STN1: variants seen among roughly 807,000 people sequenced by gnomAD.
STN1 encodes CST complex subunit STN1.
Under a neutral mutation model 45.5 loss-of-function variants are expected in STN1, and 29 were observed. The ratio of observed to expected loss-of-function variants is 0.64; its 90% confidence interval spans 0.47 to 0.87. The LOEUF is 0.87. STN1 is among the 40% of genes least tolerant of loss of function. STN1 has a pLI of 0.00. For missense variants in STN1, 376 were observed against 441.4 expected, an observed-to-expected ratio of 0.85 and a Z score of 1.33; for synonymous variants, 148 against 159.0, an observed-to-expected ratio of 0.93 and a Z score of 0.52.
rs183171640 is a variant in STN1 at position 103,882,169 on chromosome 10, A to C, written c.*515T>G. Among the ~76,000 whole-genome samples, 1 of 120,474 alleles carries C rather than the reference A, an allele frequency of 8.3e-6. No homozygotes were observed. The highest frequency in any genetic ancestry group is 2.7e-5 in the African/African-American group (1 of 37,136). 79.0% of individuals were successfully genotyped at this position (120,474 alleles called of 152,430 possible). A position where few individuals can be genotyped will look rare whatever the true frequency, so the allele number is the denominator to read the frequency against. On this transcript the variant is annotated 3_prime_UTR_variant, in exon 10 of 10. Coordinates refer to ENST00000224950, the MANE Select transcript of STN1 (RefSeq NM_024928.5). ...CCACTGCTGGTAACTGAGCCACAGA[A>C]ACTGTAAGCACTCATCCAGGGAGAA...
rs1366931630 is a variant in STN1 at position 103,878,230 on chromosome 10, C to T, written c.*4454G>A. On this transcript the variant is annotated 3_prime_UTR_variant, in exon 10 of 10. Coordinates refer to ENST00000224950, the MANE Select transcript of STN1 (RefSeq NM_024928.5). Reference sequence around the variant, plus strand: ...CACAAGCTACATGTGGGGTTCACACCTCCTGAAACATGTGCACACTAAGAG... The same window carrying T: ...CACAAGCTACATGTGGGGTTCACACTTCCTGAAACATGTGCACACTAAGAG... 1 of 152,238 alleles carries T rather than the reference C, an allele frequency of 6.6e-6. No homozygotes were observed. Among genetic ancestry groups the T allele is most frequent in the Non-Finnish European group, 1.5e-5 (1 of 68,046 alleles). 9.4% of individuals were successfully genotyped at this position (152,238 alleles called of 1,614,324 possible).
At chr10:103,899,753 G>T (rs1843194735) in intron 5 of STN1, among the ~76,000 whole-genome samples, 1 of 152,068 alleles carries the variant, frequency 6.6e-6, no homozygotes, top group Non-Finnish European at 1.5e-5. Context: ...TTCATATTTT[G>T]CCCTAATGGA....
intron 7 of STN1, among the ~76,000 whole-genome samples, 166 bp from the exon 8 acceptor site, chr10:103,892,418 G>A (rs1843145591): frequency 6.6e-6 from 1 of 151,862 alleles, no homozygotes; most frequent in Non-Finnish European, 1.5e-5. Flanking sequence ...TATTTAAGGA[G>A]GACTGAGAAG....
Position 103,880,033 on chromosome 10 carries a change from A to G in STN1, c.*2651T>C, listed in dbSNP as rs553802182. Among the ~76,000 whole-genome samples the G allele has an allele frequency of 6.6e-6, 1 of 152,294 alleles. No individual in the cohort carries two copies. The highest frequency in any genetic ancestry group is 1.9e-4 in the East Asian group (1 of 5,166). On this transcript the variant is annotated 3_prime_UTR_variant, in exon 10 of 10. Transcript: ENST00000224950. ...GCTTGACCATGCTACCTGCTGCAGGAGACGGCCCGCCCACTTCACCCGCCT... is the reference window on the plus strand; with the variant it reads ...GCTTGACCATGCTACCTGCTGCAGGGGACGGCCCGCCCACTTCACCCGCCT...
chr10:103,905,227 A>G, intron 3 of STN1, 71 bp from the exon 4 acceptor site: 1 of 1,295,520 alleles, frequency 7.7e-7, no homozygotes, highest in Non-Finnish European at 1.1e-6. Flanking sequence ...CTGTCATTGC[A>G]TTCAGCCATA....
intron 4 of STN1, among the ~76,000 whole-genome samples, chr10:103,901,682 T>G (rs910838129): frequency 6.6e-6 from 1 of 152,254 alleles, no homozygotes; most frequent in Admixed American, 6.5e-5. Context: ...TCCATATTTA[T>G]AGGAAATAAT....
In STN1 at chr10:103,909,492, G is replaced by GTATATATGTATATATGTATATATA. The variant is rs1262774005; in HGVS notation, c.229+1034_229+1035insTATATATACATATATACATATATA. Among the ~76,000 whole-genome samples, 42 of 41,296 alleles carry GTATATATGTATATATGTATATATA rather than the reference G, an allele frequency of 1.0e-3. 3 individuals carry two copies. Among genetic ancestry groups the GTATATATGTATATATGTATATATA allele is most frequent in the African/African-American group, 2.3e-3 (41 of 17,840 alleles). The allele number at this position is 41,296 out of a possible 152,430, so 27.1% of individuals were successfully genotyped here. ...TATGTATATATGTATATATATGTGT[G>GTATATATGTATATATGTATATATA]TGTGTATATGTATATATGTATATAT... On this transcript the variant is annotated intron_variant, in intron 3 of 9. Transcript: ENST00000224950.
rs1359488151 is a variant in STN1, at chr10:103,878,083, A to C, written c.*4601T>G. 1 of 152,238 alleles carries C rather than the reference A, an allele frequency of 6.6e-6. No individual in the cohort carries two copies. The highest frequency in any genetic ancestry group is 1.5e-5 in the Non-Finnish European group (1 of 68,044). The allele number at this position is 152,238 out of a possible 1,614,324, so 9.4% of individuals were successfully genotyped here. On this transcript the variant is annotated 3_prime_UTR_variant, in exon 10 of 10. Coordinates refer to ENST00000224950, the MANE Select transcript of STN1 (RefSeq NM_024928.5). The stretch of plus-strand genomic sequence containing the variant: ...CATCCTGGCACACCATCAGAGGAGA[A>C]AATAATGAGAAAGAAGTGTCTTACA...
intron 7 of STN1, among the ~76,000 whole-genome samples, chr10:103,893,987 C>T (rs953643013): frequency 6.6e-6 from 1 of 152,188 alleles, no homozygotes; most frequent in Non-Finnish European, 1.5e-5. Flanking sequence ...CTCCCACAGG[C>T]AGAAAACCTC....
At chr10:103,890,055 A>G (rs11191846) in intron 8 of STN1, among the ~76,000 whole-genome samples, 67,522 of 151,858 alleles carry the variant, frequency 0.44, 15,720 homozygotes, top group Admixed American at 0.5. Flanking sequence ...AGCACACAAC[A>G]GGTTTCACCT....
At chr10:103,916,274 C>A (rs1024681336) in intron 2 of STN1, among the ~76,000 whole-genome samples, 3 of 152,186 alleles carry the variant, frequency 2.0e-5, no homozygotes, top group Non-Finnish European at 4.4e-5. Context: ...GTCCTTGGTA[C>A]CTGTTTTCTC....
At chr10:103,884,089 CAAAAAAAAAAAAA>C (rs35521096) in intron 9 of STN1, among the ~76,000 whole-genome samples, 6 of 49,778 alleles carry the variant, frequency 1.2e-4, no homozygotes, top group East Asian at 8.2e-4. Context: ...GACTCCATCT[CAAAAAAAAAAAAA>C]AAAAAAAAAA....
At position 103,915,832 on chromosome 10, in the gene STN1, G is replaced by C. The variant is rs1163970725; in HGVS notation, c.133+1630C>G. ...GGATGGGGGTTGGGGGAACGGTTTG[G>C]GGATGAAACTGTTCCACCTCAGATC... On this transcript the variant is annotated intron_variant, in intron 2 of 9. Coordinates refer to ENST00000224950, the MANE Select transcript of STN1 (RefSeq NM_024928.5). Among the ~76,000 whole-genome samples the C allele has an allele frequency of 2.0e-5, 3 of 152,078 alleles. No individual in the cohort carries two copies. In the East Asian group the frequency reaches 5.8e-4, roughly 29 times the overall value.
chr10:103,889,748 G>A (rs1216574712), intron 8 of STN1, among the ~76,000 whole-genome samples: 1 of 143,880 alleles, frequency 7.0e-6, no homozygotes, highest in African/African-American at 2.7e-5. Context: ...TATCGCCCAG[G>A]CTGGAGTGCA....
At chr10:103,892,022 TG>T in intron 8 of STN1, 107 bp downstream of exon 8, 1 of 921,632 alleles carries the variant, frequency 1.1e-6, no homozygotes, top group East Asian at 2.7e-5. Context: ...TCTGATTTTA[TG>T]TACCTCCTTA....
chr10:103,895,832 A>T (rs368155429), intron 7 of STN1, among the ~76,000 whole-genome samples: 4 of 152,232 alleles, frequency 2.6e-5, no homozygotes, highest in Non-Finnish European at 5.9e-5. Flanking sequence ...GAAAACATCT[A>T]AACAGTCCAG....
rs1452774665 is a variant in STN1 at position 103,909,496 on chromosome 10, G to GTA, written c.229+1029_229+1030dup. Among the ~76,000 whole-genome samples the GTA allele has an allele frequency of 1.3e-4, 10 of 77,140 alleles. 2 individuals are homozygous for GTA. The highest frequency in any genetic ancestry group is 2.9e-4 in the African/African-American group (5 of 17,252). 50.6% of individuals were successfully genotyped at this position (77,140 alleles called of 152,430 possible). On this transcript the variant is annotated intron_variant, in intron 3 of 9. Coordinates refer to ENST00000224950, the MANE Select transcript of STN1 (RefSeq NM_024928.5). ...TATATATGTATATATATGTGTGTGT[G>GTA]TATATGTATATATGTATATATGTAT...
intron 8 of STN1, among the ~76,000 whole-genome samples, chr10:103,889,355 A>G (rs917229142): frequency 6.6e-6 from 1 of 152,150 alleles, no homozygotes; most frequent in East Asian, 1.9e-4. Flanking sequence ...CATTGGGGCA[A>G]TGAGGTTAAA....
chr10:103,905,224 T>G lies in STN1; in HGVS notation c.230-68A>C. The G allele has an allele frequency of 5.3e-6, 7 of 1,327,040 alleles. No homozygotes were observed. The Admixed American group carries it at 1.2e-4, about 22-fold the overall frequency. The allele number at this position is 1,327,040 out of a possible 1,614,324, so 82.2% of individuals were successfully genotyped here. A position where few individuals can be genotyped will look rare whatever the true frequency, so the allele number is the denominator to read the frequency against. On this transcript the variant is annotated intron_variant, in intron 3 of 9. Transcript: ENST00000224950. ...GGCTGGTGAATTAGCATGCTGTCAT[T>G]GCATTCAGCCATACTGAAAGATGAC...
Sources: gnomAD v4.1 joint callset for allele counts (sites outside exome capture counted in the v4.1 genomes callset) on GRCh38, gnomAD v4.1.1 for gene constraint, MANE v1.5 for transcripts, NCBI Gene and HGNC (gene_info 2026-07-23, HGNC 2026-07-21) for gene names.